The following ATRN variants were observed in gnomAD, a reference collection of about 807,000 sequenced individuals.
ATRN encodes the protein attractin.
Under a neutral mutation model 178.7 loss-of-function variants are expected in ATRN, and 54 were observed. The observed-to-expected ratio is 0.30, with a 90% confidence interval of 0.24 to 0.38. The LOEUF (loss-of-function observed/expected upper bound fraction) is 0.38. ATRN is among the 10% of genes least tolerant of loss of function. ATRN has a pLI of 1.00. For synonymous variants in ATRN, 636 were observed against 663.0 expected (o/e 0.96, Z 0.63); for missense variants, 1,443 against 1,815.1 (o/e 0.79, Z 3.73).
At chr20:3,503,272 T>C (rs2084988709) in intron 1 of ATRN, among the ~76,000 whole-genome samples, 1 of 152,230 alleles carries the variant, frequency 6.6e-6, no homozygotes, top group African/African-American at 2.4e-5. Context: ...AATAGAAGCC[T>C]ATGTTAGAGA....
chr20:3,544,080 A>G (rs2085663208), intron 3 of ATRN, among the ~76,000 whole-genome samples: 1 of 152,224 alleles, frequency 6.6e-6, no homozygotes, highest in Non-Finnish European at 1.5e-5. Flanking sequence ...AAAAGGAACG[A>G]AAATCCCTTC....
intron 1 of ATRN, among the ~76,000 whole-genome samples, chr20:3,508,481 A>G (rs947108797): frequency 1.3e-5 from 2 of 152,228 alleles, no homozygotes; most frequent in African/African-American, 2.4e-5. Flanking sequence ...CTGTGTTCCA[A>G]TAAAACCTTA....
chr20:3,635,022 CGTGT>C (rs1055010162), intron 26 of ATRN, among the ~76,000 whole-genome samples: 2 of 151,712 alleles, frequency 1.3e-5, no homozygotes, highest in African/African-American at 2.4e-5. Flanking sequence ...TGTGTATGTG[CGTGT>C]GTATGTATAT....
intron 1 of ATRN, 61 bp downstream of exon 1, chr20:3,471,578 C>A: frequency 1.5e-6 from 2 of 1,359,662 alleles, no homozygotes; most frequent in South Asian, 1.8e-5. Context: ...GAGGGGCGTT[C>A]GAGACGGCTC....
intron 1 of ATRN, among the ~76,000 whole-genome samples, chr20:3,532,807 G>T (rs149375758): frequency 0.029 from 4,439 of 151,940 alleles, 96 homozygotes; most frequent in Non-Finnish European, 0.049. Flanking sequence ...CTGTCGCCCA[G>T]GCTGGAGTGC....
chr20:3,633,726 T>C (rs573666222), intron 25 of ATRN, among the ~76,000 whole-genome samples: 1 of 152,232 alleles, frequency 6.6e-6, no homozygotes, highest in Non-Finnish European at 1.5e-5. Flanking sequence ...CCTCTGCAAC[T>C]ATTAAGGCCA....
intron 1 of ATRN, among the ~76,000 whole-genome samples, chr20:3,493,656 T>G (rs764491734): frequency 2.6e-5 from 4 of 152,150 alleles, no homozygotes; most frequent in Non-Finnish European, 4.4e-5. Context: ...CAATGGACTT[T>G]CTTTGTTCTT....
chr20:3,505,270 G>A (rs1448350714), intron 1 of ATRN, among the ~76,000 whole-genome samples: 4 of 152,140 alleles, frequency 2.6e-5, no homozygotes, highest in Non-Finnish European at 2.9e-5. Flanking sequence ...CTTGGAAATC[G>A]GAACTCCAGG....
chr20:3,602,740 G>A lies in ATRN; in HGVS notation c.3644-1365G>A, dbSNP rs531887007. Reference sequence around the variant, plus strand: ...GCACTTTGGGAGGCTGGGGCAGGTGGATTACCTGAGGTCAGGAGTTCAAGA... The same window carrying A: ...GCACTTTGGGAGGCTGGGGCAGGTGAATTACCTGAGGTCAGGAGTTCAAGA... On this transcript the variant is annotated intron_variant, in intron 23 of 28. Transcript: ENST00000262919. 9.9e-5 allele frequency among the ~76,000 whole-genome samples: 15 copies of A among 152,042 alleles called. No individual in the cohort carries two copies. The East Asian group carries it at 2.7e-3, about 28-fold the overall frequency.
chr20:3,557,355 G>A (rs372540906), intron 6 of ATRN, among the ~76,000 whole-genome samples: 15 of 152,156 alleles, frequency 9.9e-5, no homozygotes, highest in Admixed American at 2.6e-4. Context: ...AGACTTCTCC[G>A]TAGCAACATT....
At chr20:3,558,862 T>C (rs1296131183) in intron 6 of ATRN, among the ~76,000 whole-genome samples, 1 of 152,188 alleles carries the variant, frequency 6.6e-6, no homozygotes, top group Non-Finnish European at 1.5e-5. Context: ...TTATAAATTA[T>C]TTTCTTTTTG....
At chr20:3,532,434 G>A (rs1245644629) in intron 1 of ATRN, among the ~76,000 whole-genome samples, 2 of 152,142 alleles carry the variant, frequency 1.3e-5, no homozygotes, top group Admixed American at 1.3e-4. Flanking sequence ...GTCATTCTTG[G>A]TGTTGGCTTT....
intron 15 of ATRN, among the ~76,000 whole-genome samples, chr20:3,581,227 G>T (rs1240178153): frequency 8.5e-5 from 13 of 152,202 alleles, no homozygotes. Context: ...ACTCCAGCAT[G>T]GGCAACAGAG....
In ATRN at chr20:3,602,963, C is replaced by CAAAAAAA. The variant is rs3842439; in HGVS notation, c.3644-1116_3644-1110dup. The stretch of plus-strand genomic sequence containing the variant: ...GGGCAACAAAAGCGAAATTCCATCT[C>CAAAAAAA]AAAAAAAAAAAAAAAAAAAAAAAAA... On this transcript the variant is annotated intron_variant, in intron 23 of 28. Transcript: ENST00000262919. Among the ~76,000 whole-genome samples the CAAAAAAA allele has an allele frequency of 1.8e-3, 72 of 40,856 alleles. 3 individuals carry two copies. Among genetic ancestry groups the CAAAAAAA allele is most frequent in the African/African-American group, 2.6e-3 (24 of 9,082 alleles). 26.8% of individuals were successfully genotyped at this position (40,856 alleles called of 152,430 possible).
In ATRN at chr20:3,540,328, G is replaced by A; in HGVS notation, c.601G>A (p.Ala201Thr). ...GDSIYAPLVA[A>T]FSGLIVPERD... ...CTCAATTTATGCACCGCTAGTTGCT[G>A]CATTTAGGTAAGCTCAGTCTTACAA... The change falls in exon 3 of 29, where the codon GCA (alanine) becomes ACA (threonine). Residue 201 changes from alanine to threonine, a missense_variant. By Grantham distance (58) the Ala-to-Thr change is moderately conservative (BLOSUM62 0). Coordinates refer to ENST00000262919, the MANE Select transcript of ATRN (RefSeq NM_139321.3). 1.3e-6 allele frequency: 2 copies of A among 1,589,380 alleles called. No homozygotes were observed. The highest frequency in any genetic ancestry group is 1.7e-6 in the Non-Finnish European group (2 of 1,161,056).
intron 24 of ATRN, among the ~76,000 whole-genome samples, chr20:3,614,888 G>A (rs1243099498): frequency 2.6e-5 from 4 of 152,040 alleles, no homozygotes; most frequent in African/African-American, 9.7e-5. Flanking sequence ...CACATGATAT[G>A]CTCTCACTTA....
At position 3,624,492 on chromosome 20, in the gene ATRN, A is replaced by G. The variant is rs1444754847; in HGVS notation, c.3802-19A>G. ...GTTTCATGACCTGCATAATCACACT[A>G]CCTGTTTTTCTGTCACAGATTGCCT... On this transcript the variant is annotated intron_variant, in intron 24 of 28. Transcript: ENST00000262919. 1 of 1,606,230 alleles carries G rather than the reference A, an allele frequency of 6.2e-7. No individual in the cohort carries two copies. Among genetic ancestry groups the G allele is most frequent in the Non-Finnish European group, 8.5e-7 (1 of 1,172,972 alleles).
chr20:3,610,271 A>C (rs74449820), intron 24 of ATRN, among the ~76,000 whole-genome samples: 1 of 152,222 alleles, frequency 6.6e-6, no homozygotes, highest in Non-Finnish European at 1.5e-5. Context: ...GGAAGAATCA[A>C]CCTACCCAAT....
At chr20:3,538,797 C>A (rs1275773427) in intron 2 of ATRN, among the ~76,000 whole-genome samples, 1 of 152,184 alleles carries the variant, frequency 6.6e-6, no homozygotes, top group African/African-American at 2.4e-5. Flanking sequence ...CTCCTGAGTT[C>A]TGCTTTTGCC....
Sources: allele counts gnomAD v4.1 joint callset (sites outside exome capture counted in the v4.1 genomes callset), GRCh38; gene constraint gnomAD v4.1.1; transcripts MANE v1.5; gene names NCBI Gene and HGNC (gene_info 2026-07-23, HGNC 2026-07-21).